The following GSE1 variants were observed in gnomAD, a reference collection of about 807,000 sequenced individuals.
GSE1 encodes genetic suppressor element 1.
In GSE1, 32 loss-of-function variants were observed where a neutral mutation model predicts 112.6. That is an observed-to-expected ratio of 0.28 (90% CI 0.21 to 0.38). The LOEUF (loss-of-function observed/expected upper bound fraction) is 0.38, where lower values mean the gene tolerates loss of function less well. Among genes scored for constraint, GSE1 ranks in the 10% least tolerant of loss-of-function variants. The pLI, the probability that GSE1 is intolerant of heterozygous loss-of-function variation, is 1.00. For synonymous variants in GSE1, 1,115 were observed against 735.6 expected, an observed-to-expected ratio of 1.52 and a Z score of -8.35; for missense variants, 2,348 against 1,699.2, an observed-to-expected ratio of 1.38 and a Z score of -6.71.
chr16:85,437,253 C>A (rs2049270538), intron 2 of GSE1, among the ~76,000 whole-genome samples: 1 of 152,180 alleles, frequency 6.6e-6, no homozygotes, highest in Admixed American at 6.5e-5. Flanking sequence ...AGGCCCCCTG[C>A]ACGCCCTCCA....
intron 1 of GSE1, among the ~76,000 whole-genome samples, chr16:85,267,069 C>T (rs1394638856): frequency 6.6e-6 from 1 of 152,200 alleles, no homozygotes; most frequent in Non-Finnish European, 1.5e-5. Flanking sequence ...GATGCGTCTC[C>T]CGCTCAGCTA....
intron 2 of GSE1, among the ~76,000 whole-genome samples, chr16:85,549,474 G>A (rs1314909308): frequency 3.9e-5 from 6 of 152,190 alleles, no homozygotes; most frequent in Admixed American, 2.6e-4. Flanking sequence ...CACTGCACCT[G>A]GCCATGTAGA....
At chr16:85,422,676 G>C (rs2048878006) in intron 2 of GSE1, among the ~76,000 whole-genome samples, 1 of 152,194 alleles carries the variant, frequency 6.6e-6, no homozygotes, top group South Asian at 2.1e-4. Context: ...CCTGAAGGAG[G>C]CGAGAGGAGA....
chr16:85,464,484 C>T (rs558108628), intron 2 of GSE1, among the ~76,000 whole-genome samples: 18 of 152,210 alleles, frequency 1.2e-4, no homozygotes, highest in African/African-American at 3.4e-4. Context: ...TCCGGGTGCC[C>T]GGCTGGTGGA....
chr16:85,571,505 C>T (rs1366432928), intron 1 of GSE1, among the ~76,000 whole-genome samples: 2 of 152,248 alleles, frequency 1.3e-5, no homozygotes, highest in Non-Finnish European at 2.9e-5. Context: ...CAGTCCTCAG[C>T]CCAGAAGCTG....
chr16:85,394,453 A>G (rs568459778), intron 2 of GSE1, among the ~76,000 whole-genome samples: 1 of 152,042 alleles, frequency 6.6e-6, no homozygotes, highest in Non-Finnish European at 1.5e-5. Flanking sequence ...TTGGGCTTTG[A>G]GGGTCCCTTT....
intron 1 of GSE1, among the ~76,000 whole-genome samples, chr16:85,237,971 T>C (rs1320297906): frequency 1.3e-5 from 2 of 151,964 alleles, no homozygotes; most frequent in East Asian, 1.9e-4. Context: ...TCATCACTAG[T>C]TGAATGAATG....
chr16:85,514,225 C>CT (rs2051842157), intron 2 of GSE1, among the ~76,000 whole-genome samples: 1 of 151,202 alleles, frequency 6.6e-6, no homozygotes, highest in South Asian at 2.1e-4. Flanking sequence ...CCTCTCCCCT[C>CT]CCCGGTTTCT....
intron 2 of GSE1, among the ~76,000 whole-genome samples, chr16:85,449,462 G>C (rs561303263): frequency 7.9e-5 from 12 of 152,386 alleles, no homozygotes; most frequent in African/African-American, 2.6e-4. Flanking sequence ...GGCTGCGGTC[G>C]TGGCCCTGTC....
intron 2 of GSE1, 81 bp downstream of exon 2, chr16:85,634,213 C>A (rs770872004): frequency 1.0e-5 from 10 of 974,706 alleles, no homozygotes; most frequent in Non-Finnish European, 1.4e-5. Flanking sequence ...GCGGCGTGCA[C>A]GCTCACAGCA....
intron 2 of GSE1, among the ~76,000 whole-genome samples, chr16:85,550,265 C>A (rs776109044): frequency 1.3e-5 from 2 of 152,134 alleles, no homozygotes; most frequent in Non-Finnish European, 2.9e-5. Flanking sequence ...GGGTTCCAAC[C>A]CCAGCTCTGC....
At chr16:85,580,650 A>T (rs564537633) in intron 1 of GSE1, among the ~76,000 whole-genome samples, 15 of 152,328 alleles carry the variant, frequency 9.8e-5, no homozygotes, top group African/African-American at 3.4e-4. Context: ...GCTCCCCCAA[A>T]TTCAGATGTG....
At chr16:85,549,605 T>A (rs181118625) in intron 2 of GSE1, among the ~76,000 whole-genome samples, 237 of 152,340 alleles carry the variant, frequency 1.6e-3, no homozygotes, top group African/African-American at 5.2e-3. Context: ...GGGTGTGCCC[T>A]GTAGCTCCCA....
intron 10 of GSE1, 46 bp downstream of exon 10, chr16:85,663,139 G>A (rs551234870): frequency 2.3e-5 from 32 of 1,384,364 alleles, no homozygotes; most frequent in Non-Finnish European, 2.9e-5. Flanking sequence ...CTGGGCTCTC[G>A]TTCCTAGCGT....
intron 1 of GSE1, among the ~76,000 whole-genome samples, chr16:85,626,996 G>C (rs999706064): frequency 1.5e-5 from 2 of 137,810 alleles, no homozygotes; most frequent in East Asian, 4.6e-4. Context: ...CGCTGGGCCA[G>C]CCAGCCTTGT....
At chr16:85,478,869 TTCTTTCTTTCTTTC>T in intron 2 of GSE1, among the ~76,000 whole-genome samples, 1 of 44,484 alleles carries the variant, frequency 2.2e-5, no homozygotes, top group East Asian at 4.4e-4. Flanking sequence ...CTTTCTTTCT[TTCTTTCTTTCTTTC>T]TTTCTTTCTT....
At chr16:85,457,148 G>A (rs923018205) in intron 2 of GSE1, among the ~76,000 whole-genome samples, 1 of 152,192 alleles carries the variant, frequency 6.6e-6, no homozygotes, top group Non-Finnish European at 1.5e-5. Flanking sequence ...AAAGGGCAGC[G>A]GGGTCTGCCC....
intron 1 of GSE1, among the ~76,000 whole-genome samples, chr16:85,307,560 C>T (rs1023849528): frequency 6.6e-6 from 1 of 152,196 alleles, no homozygotes; most frequent in African/African-American, 2.4e-5. Context: ...TGTCCCTCTC[C>T]GTGGAGTCCT....
At chr16:85,436,723 C>T (rs1045972656) in intron 2 of GSE1, among the ~76,000 whole-genome samples, 3 of 152,216 alleles carry the variant, frequency 2.0e-5, no homozygotes, top group African/African-American at 7.2e-5. Context: ...TGTCTCCTGC[C>T]CGAGGGGCGG....
Sources: gnomAD v4.1 joint callset for allele counts (sites outside exome capture counted in the v4.1 genomes callset) on GRCh38, gnomAD v4.1.1 for gene constraint, MANE v1.5 for transcripts, NCBI Gene and HGNC (gene_info 2026-07-23, HGNC 2026-07-21) for gene names.